Variants in PLB1 observed in about 807,000 individuals in gnomAD.
PLB1 encodes the protein phospholipase B1, membrane-associated.
A neutral mutation model predicts 227.4 loss-of-function variants in PLB1; 242 were observed. The observed-to-expected ratio is 1.06, with a 90% confidence interval of 0.96 to 1.18. The LOEUF is 1.18. Ranked by LOEUF, PLB1 falls within the 50% of genes most tolerant of loss-of-function variation. PLB1 has a pLI of 0.00. For synonymous variants in PLB1, 757 were observed against 682.2 expected, an observed-to-expected ratio of 1.11 and a Z score of -1.71; for missense variants, 1,858 against 1,816.3, an observed-to-expected ratio of 1.02 and a Z score of -0.42.
chr2:28,531,973 C>T, intron 8 of PLB1, 135 bp from the exon 9 acceptor site: 1 of 668,660 alleles, frequency 1.5e-6, no homozygotes, highest in Non-Finnish European at 2.6e-6. Flanking sequence ...CTGCCATATA[C>T]TACTATTGAA....
chr2:28,605,841 G>T lies in PLB1; in HGVS notation c.2962-12G>T. On this transcript the variant is annotated splice_polypyrimidine_tract_variant and intron_variant, in intron 41 of 57. Coordinates refer to ENST00000327757, the MANE Select transcript of PLB1 (RefSeq NM_153021.5). ...CAATAGGATCTTGAGGGGGTATATTGGTCTCTTTCAGGATGGGCTCCCAGA... is the reference window on the plus strand; with the variant it reads ...CAATAGGATCTTGAGGGGGTATATTTGTCTCTTTCAGGATGGGCTCCCAGA... 1 of 1,601,842 alleles carries T rather than the reference G, an allele frequency of 6.2e-7. No individual in the cohort carries two copies. Among genetic ancestry groups the T allele is most frequent in the Non-Finnish European group, 8.6e-7 (1 of 1,168,924 alleles).
At chr2:28,525,825 T>C (rs1254470598) in intron 5 of PLB1, 80 bp from the exon 6 acceptor site, 22 of 1,549,390 alleles carry the variant, frequency 1.4e-5, no homozygotes, top group Admixed American at 1.7e-5. Context: ...TACTATGAAA[T>C]AGACCACAGC....
intron 9 of PLB1, among the ~76,000 whole-genome samples, chr2:28,535,158 A>G (rs923474801): frequency 6.6e-6 from 1 of 152,238 alleles, no homozygotes; most frequent in Non-Finnish European, 1.5e-5. Flanking sequence ...TCACACTTTT[A>G]ATTGGTTCAA....
intron 1 of PLB1, among the ~76,000 whole-genome samples, chr2:28,512,726 C>T (rs1409004809): frequency 1.3e-5 from 2 of 150,636 alleles, no homozygotes; most frequent in African/African-American, 4.9e-5. Flanking sequence ...CTAGGAGTCA[C>T]CCTTGAGTCT....
chr2:28,585,306 C>T (rs890026626), intron 25 of PLB1, among the ~76,000 whole-genome samples: 1 of 151,330 alleles, frequency 6.6e-6, no homozygotes, highest in Non-Finnish European at 1.5e-5. Flanking sequence ...GACAGAGTCT[C>T]GCTCTGTTGC....
intron 42 of PLB1, 27 bp from the exon 43 acceptor site, chr2:28,606,469 C>A: frequency 1.2e-6 from 2 of 1,603,024 alleles, no homozygotes; most frequent in Non-Finnish European, 1.7e-6. Context: ...CTACTACACC[C>A]GTGTCTCTCT....
rs1159180461 is a variant in PLB1 at position 28,539,189 on chromosome 2, A to C, written c.698+11A>C. 1 of 1,606,794 alleles carries C rather than the reference A, an allele frequency of 6.2e-7. No individual in the cohort carries two copies. The highest frequency in any genetic ancestry group is 8.5e-7 in the Non-Finnish European group (1 of 1,173,374). On this transcript the variant is annotated intron_variant, in intron 11 of 57. Coordinates refer to ENST00000327757, the MANE Select transcript of PLB1 (RefSeq NM_153021.5). ...CGGCACTTGGCTCAGGTAAAAGGGG[A>C]AGTGGAATGAGACACGCATCTGTGA...
intron 16 of PLB1, among the ~76,000 whole-genome samples, chr2:28,551,800 G>T (rs908082708): frequency 2.0e-5 from 3 of 152,228 alleles, no homozygotes; most frequent in African/African-American, 4.8e-5. Context: ...ACTTATAATA[G>T]AATCTAGCAT....
intron 49 of PLB1, among the ~76,000 whole-genome samples, 188 bp downstream of exon 49, chr2:28,621,166 C>T (rs1687002067): frequency 6.6e-6 from 1 of 152,162 alleles, no homozygotes; most frequent in Non-Finnish European, 1.5e-5. Flanking sequence ...GGCTTATAAG[C>T]TTTCCAGAAC....
intron 4 of PLB1, among the ~76,000 whole-genome samples, chr2:28,524,285 G>A (rs904203579): frequency 6.6e-6 from 1 of 152,176 alleles, no homozygotes; most frequent in Non-Finnish European, 1.5e-5. Context: ...ATACAACCAA[G>A]GAGAGCTAAG....
At chr2:28,628,019 T>C (rs910419799) in intron 51 of PLB1, among the ~76,000 whole-genome samples, 2 of 152,204 alleles carry the variant, frequency 1.3e-5, no homozygotes, top group Non-Finnish European at 2.9e-5. Context: ...CTATGTACCT[T>C]GTTTGCATCA....
chr2:28,582,075 A>C lies in PLB1; in HGVS notation c.1574A>C (p.Tyr525Ser), dbSNP rs772773653. 1.2e-6 allele frequency: 2 copies of C among 1,613,480 alleles called. No individual in the cohort carries two copies. The highest frequency in any genetic ancestry group is 2.7e-5 in the African/African-American group (2 of 74,912). Residue 525 changes from tyrosine (Y) to serine (S), a missense_variant, in exon 24 of 58, where the codon TAT (tyrosine) becomes TCT (serine). By Grantham distance (144) the Tyr-to-Ser change is moderately radical. Transcript: ENST00000327757. Reference protein sequence around the residue: ...LCDFCNDLVHYSPQNFTDNIG... With the variant: ...LCDFCNDLVHSSPQNFTDNIG... ...CACTTCCTCTTCCTGCAGGTCCACTATTCTCCCCAGAACTTCACAGACAAC... is the reference window on the plus strand; with the variant it reads ...CACTTCCTCTTCCTGCAGGTCCACTCTTCTCCCCAGAACTTCACAGACAAC...
Position 28,535,740 on chromosome 2 carries a change from G to C in PLB1, c.556-2579G>C, listed in dbSNP as rs540958085. ...GTTCAAGACCAGCCTGGCCAATGTGGTGAAACCCTGTCTCTACCAAAAATA... is the reference window on the plus strand; with the variant it reads ...GTTCAAGACCAGCCTGGCCAATGTGCTGAAACCCTGTCTCTACCAAAAATA... On this transcript the variant is annotated intron_variant, in intron 9 of 57. Transcript: ENST00000327757. Among the ~76,000 whole-genome samples the C allele has an allele frequency of 2.6e-5, 4 of 152,220 alleles. No individual in the cohort carries two copies. In the South Asian group the frequency reaches 8.3e-4, roughly 32 times the overall value.
chr2:28,521,841 C>T (rs954758576), intron 4 of PLB1, among the ~76,000 whole-genome samples: 16 of 152,032 alleles, frequency 1.1e-4, no homozygotes, highest in African/African-American at 3.6e-4. Context: ...CCCTACTGTA[C>T]CTCCCACGCC....
chr2:28,569,965 CAA>C (rs200866382), intron 20 of PLB1, among the ~76,000 whole-genome samples: 14 of 62,836 alleles, frequency 2.2e-4, no homozygotes, highest in Admixed American at 5.7e-4. Context: ...GACTCCATCT[CAA>C]AAAAAAAAAA....
intron 35 of PLB1, among the ~76,000 whole-genome samples, chr2:28,599,557 G>A (rs953658734): frequency 1.4e-4 from 19 of 138,838 alleles, no homozygotes; most frequent in African/African-American, 6.2e-4. Context: ...TCTATAACGG[G>A]GCCCTGAACA....
chr2:28,521,484 T>C (rs1347292212), intron 4 of PLB1, among the ~76,000 whole-genome samples: 1 of 152,224 alleles, frequency 6.6e-6, no homozygotes, highest in East Asian at 1.9e-4. Flanking sequence ...TTTTTAATAG[T>C]AGGCATCCTA....
At chr2:28,607,884 A>G (rs1684904609) in intron 43 of PLB1, among the ~76,000 whole-genome samples, 1 of 152,160 alleles carries the variant, frequency 6.6e-6, no homozygotes. Context: ...CTTCCATTAC[A>G]TAACAAAAGC....
At chr2:28,538,480 C>A in intron 10 of PLB1, 99 bp downstream of exon 10, 1 of 1,107,834 alleles carries the variant, frequency 9.0e-7, no homozygotes, top group Non-Finnish European at 1.3e-6. Context: ...GTGAGGGAGA[C>A]TGGGACCCTC....
Sources: gnomAD v4.1 joint callset for allele counts (sites outside exome capture counted in the v4.1 genomes callset) on GRCh38, gnomAD v4.1.1 for gene constraint, MANE v1.5 for transcripts, NCBI Gene and HGNC (gene_info 2026-07-23, HGNC 2026-07-21) for gene names.